The following TMTC1 variants were observed in gnomAD, a reference collection of about 807,000 sequenced individuals.
TMTC1 encodes transmembrane O-mannosyltransferase targeting cadherins 1, also known as protein O-mannosyl-transferase TMTC1.
Under a neutral mutation model 104.8 loss-of-function variants are expected in TMTC1, and 73 were observed. The ratio of observed to expected loss-of-function variants is 0.70; its 90% CI spans 0.58 to 0.85. The LOEUF is 0.85. TMTC1 is among the 40% of genes least tolerant of loss of function. The pLI is 0.00. For missense variants in TMTC1, 1,035 were observed against 1,096.1 expected (o/e 0.94, Z 0.79); for synonymous variants, 434 against 428.7 (o/e 1.01, Z -0.15).
intron 7 of TMTC1, among the ~76,000 whole-genome samples, chr12:29,588,550 T>C (rs1023538225): frequency 1.3e-5 from 2 of 152,172 alleles, no homozygotes. Flanking sequence ...CCTAACACTA[T>C]TACAGATATC....
intron 5 of TMTC1, among the ~76,000 whole-genome samples, chr12:29,701,603 C>A (rs1941596382): frequency 6.6e-6 from 1 of 152,200 alleles, no homozygotes; most frequent in Admixed American, 6.5e-5. Context: ...CACTAGCTTT[C>A]CCCTAGTAAA....
chr12:29,688,084 C>T (rs1941151924), intron 5 of TMTC1, among the ~76,000 whole-genome samples: 1 of 152,162 alleles, frequency 6.6e-6, no homozygotes. Flanking sequence ...CTAAAACATT[C>T]AAAAGAGCCC....
At chr12:29,749,926 A>G (rs1205716686) in intron 5 of TMTC1, among the ~76,000 whole-genome samples, 2 of 152,032 alleles carry the variant, frequency 1.3e-5, no homozygotes, top group Non-Finnish European at 2.9e-5. Context: ...ACTCTCAGCT[A>G]AGACCCCCTT....
At chr12:29,649,729 A>G (rs1939429929) in intron 5 of TMTC1, among the ~76,000 whole-genome samples, 1 of 152,228 alleles carries the variant, frequency 6.6e-6, no homozygotes, top group Non-Finnish European at 1.5e-5. Context: ...AAGACAGAAA[A>G]TTGGACAAGG....
At chr12:29,621,126 G>C (rs1937650489) in intron 6 of TMTC1, among the ~76,000 whole-genome samples, 1 of 152,180 alleles carries the variant, frequency 6.6e-6, no homozygotes, top group Non-Finnish European at 1.5e-5. Flanking sequence ...ACTGAAAAGA[G>C]GAATGTAGGC....
chr12:29,535,490 C>T (rs1181044782), intron 11 of TMTC1: 1 of 152,196 alleles, frequency 6.6e-6, no homozygotes, highest in Non-Finnish European at 1.5e-5. Flanking sequence ...CACTTATTAC[C>T]CTTAAGCCAA....
chr12:29,783,940 A>C lies in TMTC1; in HGVS notation c.-189T>G. On this transcript the variant is annotated 5_prime_UTR_variant, in exon 1 of 18. Coordinates refer to ENST00000539277, the MANE Select transcript of TMTC1 (RefSeq NM_001193451.2). The surrounding 1 kb of genome is among the most constrained non-coding windows in gnomAD (Gnocchi z 4.7). The stretch of plus-strand genomic sequence containing the variant: ...CGCGGAGTTGGCCCAGCTGCAAATA[A>C]ACAGCAGTCCCCCCGCCTCCCCCGG... 2 of 336,374 alleles carry C rather than the reference A, an allele frequency of 5.9e-6. No homozygotes were observed. The highest frequency in any genetic ancestry group is 8.7e-6 in the Non-Finnish European group (2 of 228,588). 20.8% of individuals were successfully genotyped at this position (336,374 alleles called of 1,614,324 possible). A position where few individuals can be genotyped will look rare whatever the true frequency, so the allele number is the denominator to read the frequency against.
intron 5 of TMTC1, among the ~76,000 whole-genome samples, chr12:29,660,241 G>C (rs747206089): frequency 2.6e-5 from 4 of 152,184 alleles, no homozygotes; most frequent in Admixed American, 6.5e-5. Flanking sequence ...AGGAAGTCTT[G>C]ACTACCCCTC....
At chr12:29,555,685 T>C (rs1156737090) in intron 10 of TMTC1, among the ~76,000 whole-genome samples, 2 of 152,314 alleles carry the variant, frequency 1.3e-5, no homozygotes, top group East Asian at 1.9e-4. Flanking sequence ...TAGTATTCCA[T>C]GGTGTATATG....
In TMTC1 at chr12:29,732,756, A is replaced by C. The variant is rs77720604; in HGVS notation, c.938+18910T>G. Among the ~76,000 whole-genome samples the C allele has an allele frequency of 3.9e-5, 6 of 152,146 alleles. No homozygotes were observed. In the East Asian group the frequency reaches 7.7e-4, roughly 20 times the overall value. On this transcript the variant is annotated intron_variant, in intron 5 of 17. Coordinates refer to ENST00000539277, the MANE Select transcript of TMTC1 (RefSeq NM_001193451.2). ...CATCATTAAAGGGCTCTTGGTGCAG[A>C]GTGACATAACAAATCACTCTTCTGG...
rs1943616773 is a variant in TMTC1 at position 29,502,546 on chromosome 12, A to T, written c.*4300T>A. 6.6e-6 allele frequency: 1 copy of T among 152,156 alleles called. No homozygotes were observed. The highest frequency in any genetic ancestry group is 2.1e-4 in the South Asian group (1 of 4,830). The allele number at this position is 152,156 out of a possible 1,614,324, so 9.4% of individuals were successfully genotyped here. A position where few individuals can be genotyped will look rare whatever the true frequency, so the allele number is the denominator to read the frequency against. ...GGCAATTCCTCTCCATCTGAGAACG[A>T]GGAATTGTGTCATTTTAAGGCCAAA... On this transcript the variant is annotated 3_prime_UTR_variant, in exon 18 of 18. Coordinates refer to ENST00000539277, the MANE Select transcript of TMTC1 (RefSeq NM_001193451.2).
At chr12:29,733,818 T>A in intron 5 of TMTC1, among the ~76,000 whole-genome samples, 1 of 152,210 alleles carries the variant, frequency 6.6e-6, no homozygotes, top group East Asian at 1.9e-4. Context: ...CACATCATGC[T>A]CTTTTCTTCA....
At chr12:29,758,670 G>T in intron 3 of TMTC1, 34 bp downstream of exon 3, 1 of 1,599,096 alleles carries the variant, frequency 6.3e-7, no homozygotes, top group Non-Finnish European at 8.6e-7. Context: ...GCACAGTTGC[G>T]ATCACAGAGA....
intron 5 of TMTC1, among the ~76,000 whole-genome samples, chr12:29,634,015 T>C (rs1191758367): frequency 2.0e-5 from 3 of 152,186 alleles, no homozygotes; most frequent in Non-Finnish European, 2.9e-5. Context: ...TTCTAGACCC[T>C]TGAGAACTGC....
At chr12:29,759,685 C>T (rs1232694091) in intron 2 of TMTC1, among the ~76,000 whole-genome samples, 2 of 152,262 alleles carry the variant, frequency 1.3e-5, no homozygotes, top group Admixed American at 6.5e-5. Flanking sequence ...AAAGAGAACA[C>T]CAGCTCCTTG....
chr12:29,721,846 T>TTAA (rs1329976394), intron 5 of TMTC1, among the ~76,000 whole-genome samples: 2 of 151,996 alleles, frequency 1.3e-5, no homozygotes, highest in African/African-American at 4.8e-5. Flanking sequence ...GAAATATTTC[T>TTAA]TTAATAATAA....
At chr12:29,663,926 A>G (rs1426314323) in intron 5 of TMTC1, among the ~76,000 whole-genome samples, 2 of 152,156 alleles carry the variant, frequency 1.3e-5, no homozygotes, top group Non-Finnish European at 2.9e-5. Context: ...TCAAGAAGCT[A>G]AAGGCACCAA....
intron 17 of TMTC1, among the ~76,000 whole-genome samples, chr12:29,508,633 G>C (rs1943753600): frequency 1.3e-5 from 2 of 152,030 alleles, no homozygotes; most frequent in South Asian, 2.1e-4. Context: ...GAGTGCAGTG[G>C]TGCAATGTCA....
intron 2 of TMTC1, among the ~76,000 whole-genome samples, chr12:29,761,554 T>G (rs117350970): frequency 1.3e-5 from 2 of 149,196 alleles, no homozygotes; most frequent in African/African-American, 4.9e-5. Context: ...ATCTTCACAC[T>G]ATTTTGCTAC....
Sources: allele counts gnomAD v4.1 joint callset (sites outside exome capture counted in the v4.1 genomes callset), GRCh38; gene constraint gnomAD v4.1.1; non-coding constraint Gnocchi (gnomAD v3.1); transcripts MANE v1.5; gene names NCBI Gene and HGNC (gene_info 2026-07-23, HGNC 2026-07-21).